The following FKBP5 variants were observed in gnomAD, a reference collection of about 807,000 sequenced individuals.
FKBP5 encodes peptidyl-prolyl cis-trans isomerase FKBP5.
A neutral mutation model predicts 50.5 loss-of-function variants in FKBP5; 23 were observed. The ratio of observed to expected loss-of-function variants is 0.46; its 90% CI spans 0.33 to 0.65. The LOEUF (loss-of-function observed/expected upper bound fraction) is 0.65, where lower values mean the gene tolerates loss of function less well. Ranked by LOEUF, FKBP5 falls within the 30% of genes least tolerant of loss-of-function variation. The pLI is 0.02. For synonymous variants in FKBP5, 176 were observed against 190.6 expected (o/e 0.92, Z 0.63); for missense variants, 411 against 553.1 (o/e 0.74, Z 2.58).
intron 8 of FKBP5, chr6:35,580,790 C>T (rs1762405051): frequency 1.1e-6 from 1 of 907,922 alleles, no homozygotes; most frequent in South Asian, 5.1e-5. Context: ...ATCCGCCTGC[C>T]TTGGCCTCCC....
intron 1 of FKBP5, among the ~76,000 whole-genome samples, chr6:35,684,645 C>T (rs948925808): frequency 6.6e-5 from 10 of 152,046 alleles, no homozygotes; most frequent in Non-Finnish European, 1.0e-4. Flanking sequence ...TGATTCCAGA[C>T]CAAGGGTAAA....
intron 6 of FKBP5, among the ~76,000 whole-genome samples, chr6:35,594,426 A>C (rs1416611305): frequency 6.6e-6 from 1 of 152,158 alleles, no homozygotes; most frequent in African/African-American, 2.4e-5. Flanking sequence ...TCTGCCTTGG[A>C]AATTTTCTGG....
intron 5 of FKBP5, among the ~76,000 whole-genome samples, chr6:35,610,510 G>A (rs1763458049): frequency 7.2e-6 from 1 of 138,616 alleles, no homozygotes; most frequent in African/African-American, 2.7e-5. Flanking sequence ...GGAGCTTGCA[G>A]TGAGCCAAGA....
upstream of FKBP5, among the ~76,000 whole-genome samples, chr6:35,693,846 C>T (rs1766041069): frequency 6.6e-6 from 1 of 151,186 alleles, no homozygotes; most frequent in Non-Finnish European, 1.5e-5. Context: ...TTCAAATCTG[C>T]TATGCCACTT....
chr6:35,675,484 C>T lies in FKBP5; in HGVS notation c.-20+13320G>A, dbSNP rs148234137. Among the ~76,000 whole-genome samples the T allele has an allele frequency of 1.7e-3, 263 of 152,264 alleles. 1 individual carries two copies. The highest frequency in any genetic ancestry group is 0.017 in the Middle Eastern group (5 of 294). ...ACTCAGGAGGCTGAGGCAAGAGAAT[C>T]GCTTGAACCTGGGAGACAGAGGTTG... is the stretch of plus-strand genomic sequence containing the variant. On this transcript the variant is annotated intron_variant, in intron 1 of 10. Transcript: ENST00000357266.
At chr6:35,623,169 AAGG>A (rs1444290524) in intron 3 of FKBP5, among the ~76,000 whole-genome samples, 1 of 152,144 alleles carries the variant, frequency 6.6e-6, no homozygotes, top group African/African-American at 2.4e-5. Context: ...GTGAACCCAG[AAGG>A]AGGAGCTTTC....
At chr6:35,596,041 C>A (rs567270949) in intron 6 of FKBP5, among the ~76,000 whole-genome samples, 141 of 152,048 alleles carry the variant, frequency 9.3e-4, no homozygotes, top group African/African-American at 3.3e-3. Context: ...GTGGTAGTTG[C>A]ATGGCTAGAT....
intron 3 of FKBP5, among the ~76,000 whole-genome samples, chr6:35,634,233 G>C (rs1400792669): frequency 6.6e-6 from 1 of 152,012 alleles, no homozygotes; most frequent in Non-Finnish European, 1.5e-5. Context: ...AGGAACAAGG[G>C]GGTCTGACAA....
At chr6:35,682,842 T>G (rs1053594638) in intron 1 of FKBP5, among the ~76,000 whole-genome samples, 1 of 150,266 alleles carries the variant, frequency 6.7e-6, no homozygotes, top group Non-Finnish European at 1.5e-5. Flanking sequence ...CAGGAGTTTG[T>G]GTCGAGGCTG....
At chr6:35,671,801 T>C (rs1222220889) in intron 1 of FKBP5, among the ~76,000 whole-genome samples, 1 of 151,554 alleles carries the variant, frequency 6.6e-6, no homozygotes, top group Non-Finnish European at 1.5e-5. Flanking sequence ...ACACAATATA[T>C]GAAGGGGCTA....
chr6:35,718,587 G>A (rs943257940), intron 2 of FKBP5, among the ~76,000 whole-genome samples: 4 of 152,250 alleles, frequency 2.6e-5, no homozygotes, highest in Middle Eastern at 3.4e-3. Context: ...ATACAAAGGA[G>A]GTATAAGGCC....
intron 2 of FKBP5, among the ~76,000 whole-genome samples, chr6:35,713,215 G>T (rs188651426): frequency 6.6e-6 from 1 of 152,086 alleles, no homozygotes; most frequent in South Asian, 2.1e-4. Flanking sequence ...CATGTGGTGA[G>T]TGAGGAGGAT....
intron 1 of FKBP5, among the ~76,000 whole-genome samples, chr6:35,671,852 C>T (rs1765396120): frequency 6.6e-6 from 1 of 151,984 alleles, no homozygotes; most frequent in Non-Finnish European, 1.5e-5. Context: ...CAAAAGAACC[C>T]TAAAATCTAA....
chr6:35,632,870 CAA>C (rs1307628417), intron 3 of FKBP5, among the ~76,000 whole-genome samples: 25 of 135,098 alleles, frequency 1.9e-4, no homozygotes, highest in Admixed American at 1.8e-3. Flanking sequence ...GCTTGGGCAA[CAA>C]GAGTAAAACT....
At chr6:35,713,317 G>A (rs1459683008) in intron 2 of FKBP5, among the ~76,000 whole-genome samples, 1 of 151,996 alleles carries the variant, frequency 6.6e-6, no homozygotes, top group Non-Finnish European at 1.5e-5. Flanking sequence ...GCCTAGAAGA[G>A]GGACAGCCCA....
intron 2 of FKBP5, among the ~76,000 whole-genome samples, chr6:35,637,697 C>T (rs537041330): frequency 1.8e-4 from 28 of 151,880 alleles, no homozygotes; most frequent in Non-Finnish European, 3.4e-4. Flanking sequence ...CTCCTGACCT[C>T]GTGATCCACC....
intron 2 of FKBP5, among the ~76,000 whole-genome samples, chr6:35,697,858 T>C (rs549828851): frequency 7.2e-4 from 110 of 152,332 alleles, no homozygotes; most frequent in African/African-American, 2.5e-3. Context: ...TGCTGTACAC[T>C]TTAAGTGGGT....
Position 35,580,108 on chromosome 6 carries a change from A to G in FKBP5, c.954T>C (p.Ala318=). The change falls in exon 9 of 11, where the codon GCT becomes GCC. Residue 318 remains alanine (A), a synonymous_variant. Transcript: ENST00000357266. ...AGCACATGGCCAGGTTCAGAAAGGCAGCAAGGAGAAATGATTCAGAAGCTT... is the reference window on the plus strand; with the variant it reads ...AGCACATGGCCAGGTTCAGAAAGGCGGCAAGGAGAAATGATTCAGAAGCTT... ...ESKASESFLL[A]AFLNLAMCYL... is the part of the protein sequence containing the mutation. The G allele has an allele frequency of 6.2e-7, 1 of 1,614,198 alleles. No individual in the cohort carries two copies. Among genetic ancestry groups the G allele is most frequent in the Non-Finnish European group, 8.5e-7 (1 of 1,180,014 alleles).
At chr6:35,674,932 T>C (rs1765486345) in intron 1 of FKBP5, among the ~76,000 whole-genome samples, 1 of 152,244 alleles carries the variant, frequency 6.6e-6, no homozygotes, top group Admixed American at 6.5e-5. Flanking sequence ...TGTTCTGTCC[T>C]TTCTGAGAGC....
Sources: gnomAD v4.1 joint callset for allele counts (sites outside exome capture counted in the v4.1 genomes callset) on GRCh38, gnomAD v4.1.1 for gene constraint, MANE v1.5 for transcripts, NCBI Gene and HGNC (gene_info 2026-07-23, HGNC 2026-07-21) for gene names.